The following TRAPPC9 variants were observed in gnomAD, a reference collection of about 807,000 sequenced individuals.
The protein encoded by TRAPPC9 is IKK2 binding protein.
A neutral mutation model predicts 124.0 loss-of-function variants in TRAPPC9; 83 were observed. The ratio of observed to expected loss-of-function variants is 0.67; its 90% CI spans 0.56 to 0.80. The LOEUF is 0.80. Among genes scored for constraint, TRAPPC9 ranks in the 30% least tolerant of loss-of-function variants. The pLI, the probability that TRAPPC9 is intolerant of heterozygous loss-of-function variation, is 0.00. For synonymous variants in TRAPPC9, 638 were observed against 617.5 expected, an observed-to-expected ratio of 1.03 and a Z score of -0.49; for missense variants, 1,302 against 1,508.3, an observed-to-expected ratio of 0.86 and a Z score of 2.27.
At chr8:139,746,924 A>G (rs1392596508) in intron 21 of TRAPPC9, among the ~76,000 whole-genome samples, 1 of 152,232 alleles carries the variant, frequency 6.6e-6, no homozygotes, top group Non-Finnish European at 1.5e-5. Context: ...CAATGACTAT[A>G]TTAAGTGCTT....
rs764517032 is a variant in TRAPPC9 at position 140,221,495 on chromosome 8, G to T, written c.2520C>A (p.Pro840=). The T allele has an allele frequency of 3.1e-6, 5 of 1,614,076 alleles. No homozygotes were observed. In the Admixed American group the frequency reaches 8.3e-5, roughly 27 times the overall value. The stretch of plus-strand genomic sequence containing the variant: ...TGTAGTCGCCTGCTTTGTTGCTCTC[G>T]GGTGGGTTCACAGGTTTGCCCTCCA... ...PRVEGKPVNP[P]ESNKAGDYSH... is the part of the protein sequence containing the mutation. Residue 840 remains proline, a synonymous_variant, in exon 17 of 23, where the codon CCC becomes CCA. Coordinates refer to ENST00000438773, the MANE Select transcript of TRAPPC9 (RefSeq NM_001160372.4).
intron 17 of TRAPPC9, among the ~76,000 whole-genome samples, chr8:140,141,900 T>C (rs2130777978): frequency 6.6e-6 from 1 of 152,360 alleles, no homozygotes; most frequent in East Asian, 1.9e-4. Flanking sequence ...TATTCACTGT[T>C]GAAACATAAA....
chr8:139,910,362 G>GC, intron 19 of TRAPPC9, 62 bp from the exon 20 acceptor site: 2 of 1,551,018 alleles, frequency 1.3e-6, no homozygotes, highest in South Asian at 2.2e-5. Context: ...GCCGGCTGTT[G>GC]GAGAATCAGC....
At chr8:139,980,016 C>G (rs1836781543) in intron 19 of TRAPPC9, among the ~76,000 whole-genome samples, 1 of 151,030 alleles carries the variant, frequency 6.6e-6, no homozygotes, top group African/African-American at 2.4e-5. Flanking sequence ...CCCCTTGCCC[C>G]TCGAGAGTTT....
Position 140,449,955 on chromosome 8 carries a change from AT to A in TRAPPC9, c.584+834del, listed in dbSNP as rs35514184. Among the ~76,000 whole-genome samples the A allele has an allele frequency of 5.9e-4, 90 of 152,280 alleles. 4 individuals carry two copies. The highest frequency in any genetic ancestry group is 7.3e-5 in the Non-Finnish European group (5 of 68,048). On this transcript the variant is annotated intron_variant, in intron 2 of 22. Coordinates refer to ENST00000438773, the MANE Select transcript of TRAPPC9 (RefSeq NM_001160372.4). ...GTACATTTCAGTTTCTAGTTGCCAC[AT>A]TTTTAAAAGTAAGAATGAAACAGTT...
chr8:139,789,962 G>A (rs912266208), intron 21 of TRAPPC9, among the ~76,000 whole-genome samples: 6 of 152,250 alleles, frequency 3.9e-5, no homozygotes, highest in South Asian at 2.1e-4. Flanking sequence ...CGTCCCTCCC[G>A]ACCCAGGGGA....
At chr8:140,333,363 A>C (rs749951406) in intron 9 of TRAPPC9, among the ~76,000 whole-genome samples, 2 of 152,214 alleles carry the variant, frequency 1.3e-5, no homozygotes, top group Non-Finnish European at 2.9e-5. Context: ...ATAGATGTAG[A>C]TATAGATATA....
At chr8:140,147,892 G>A (rs187530689) in intron 17 of TRAPPC9, among the ~76,000 whole-genome samples, 11 of 152,374 alleles carry the variant, frequency 7.2e-5, no homozygotes, top group East Asian at 5.8e-4. Flanking sequence ...GGTCTAAGGC[G>A]TTGCCACCTC....
Position 139,760,007 on chromosome 8 carries a change from C to T in TRAPPC9, c.3056-27805G>A, listed in dbSNP as rs1256689689. On this transcript the variant is annotated intron_variant, in intron 21 of 22. Transcript: ENST00000438773. ...AAGCCCAGGCCCCTGCACCAGCACA[C>T]GCCCGTCATGTCTGACCCCCCGTGC... 3.9e-5 allele frequency among the ~76,000 whole-genome samples: 6 copies of T among 152,378 alleles called. 1 individual carries two copies. Among genetic ancestry groups the T allele is most frequent in the African/African-American group, 7.2e-5 (3 of 41,590 alleles).
chr8:139,861,760 A>T (rs1828174219), intron 21 of TRAPPC9, among the ~76,000 whole-genome samples: 1 of 152,094 alleles, frequency 6.6e-6, no homozygotes, highest in African/African-American at 2.4e-5. Flanking sequence ...CTGAGTCTCC[A>T]AGCCTTGGTC....
At chr8:140,222,273 C>T (rs2063352634) in intron 16 of TRAPPC9, among the ~76,000 whole-genome samples, 1 of 152,186 alleles carries the variant, frequency 6.6e-6, no homozygotes, top group Non-Finnish European at 1.5e-5. Flanking sequence ...CTTAAACCTC[C>T]GAGGAGCCAC....
At chr8:139,865,590 C>G (rs764980376) in intron 21 of TRAPPC9, among the ~76,000 whole-genome samples, 3 of 152,086 alleles carry the variant, frequency 2.0e-5, no homozygotes, top group Non-Finnish European at 4.4e-5. Context: ...GAGTGAATGG[C>G]AAGGAAAGCT....
At chr8:139,923,089 TA>T (rs1832606301) in intron 19 of TRAPPC9, among the ~76,000 whole-genome samples, 1 of 147,138 alleles carries the variant, frequency 6.8e-6, no homozygotes, top group African/African-American at 2.5e-5. Context: ...TAAAACACAG[TA>T]TTAGGGTCCT....
chr8:140,249,888 G>A (rs4736157), intron 16 of TRAPPC9, among the ~76,000 whole-genome samples: 58,611 of 151,866 alleles, frequency 0.39, 11,774 homozygotes, highest in East Asian at 0.75. Context: ...GATTACAGGC[G>A]TGAGCCACCG....
intron 17 of TRAPPC9, among the ~76,000 whole-genome samples, chr8:140,176,742 C>G (rs538858479): frequency 3.9e-5 from 6 of 152,262 alleles, no homozygotes; most frequent in African/African-American, 1.4e-4. Flanking sequence ...AACATTTCCC[C>G]AAAGTAGTCA....
chr8:140,115,704 G>T (rs2060870455), intron 17 of TRAPPC9, among the ~76,000 whole-genome samples: 1 of 152,214 alleles, frequency 6.6e-6, no homozygotes, highest in South Asian at 2.1e-4. Flanking sequence ...GCAGGGGCTG[G>T]ATAATCACCT....
chr8:139,776,184 G>T lies in TRAPPC9; in HGVS notation c.3056-43982C>A, dbSNP rs1821356071. Among the ~76,000 whole-genome samples, 1 of 152,180 alleles carries T rather than the reference G, an allele frequency of 6.6e-6. No individual in the cohort carries two copies. The highest frequency in any genetic ancestry group is 2.4e-5 in the African/African-American group (1 of 41,446). ...CTTGGGACCCAGCCTCAGTCTCTGG[G>T]CTCCCCGACAGGGTTCCTTCCATCC... On this transcript the variant is annotated intron_variant, in intron 21 of 22. Coordinates refer to ENST00000438773, the MANE Select transcript of TRAPPC9 (RefSeq NM_001160372.4). The surrounding 1 kb of genome is among the most constrained non-coding windows in gnomAD (Gnocchi z 4.1).
chr8:139,750,670 G>A (rs758706339), intron 21 of TRAPPC9, among the ~76,000 whole-genome samples: 6 of 152,300 alleles, frequency 3.9e-5, no homozygotes, highest in East Asian at 1.9e-4. Context: ...AAGACCATGC[G>A]GCTTCTCTAA....
intron 17 of TRAPPC9, among the ~76,000 whole-genome samples, chr8:140,215,147 G>A (rs2063160471): frequency 1.3e-5 from 2 of 152,132 alleles, no homozygotes; most frequent in South Asian, 2.1e-4. Flanking sequence ...AATGCCGCAT[G>A]ATTGCACAGG....
Sources: gnomAD v4.1 joint callset for allele counts (sites outside exome capture counted in the v4.1 genomes callset) on GRCh38, gnomAD v4.1.1 for gene constraint, Gnocchi (gnomAD v3.1) non-coding constraint, MANE v1.5 for transcripts, NCBI Gene and HGNC (gene_info 2026-07-23, HGNC 2026-07-21) for gene names.